Variants in CRB2 observed in about 807,000 individuals in gnomAD.
CRB2 encodes the protein crumbs cell polarity complex component 2, also known as protein crumbs homolog 2.
CRB2 carries 85 observed loss-of-function variants against 110.9 expected under a neutral mutation model. The ratio of observed to expected loss-of-function variants is 0.77; its 90% CI spans 0.64 to 0.92. The LOEUF is 0.92. Among genes scored for constraint, CRB2 ranks in the 40% least tolerant of loss-of-function variants. The probability of loss-of-function intolerance (pLI) is 0.00; values close to 1 mark genes in which losing one functional copy is unlikely to be tolerated. For missense variants in CRB2, 1,843 were observed against 1,851.3 expected, an observed-to-expected ratio of 1.00 and a Z score of 0.08; for synonymous variants, 907 against 831.0, an observed-to-expected ratio of 1.09 and a Z score of -1.57.
Position 123,365,988 on chromosome 9 carries a change from G to A in CRB2, c.490G>A (p.Gly164Ser), listed in dbSNP as rs764438313. 5.6e-6 allele frequency: 9 copies of A among 1,597,020 alleles called. No individual in the cohort carries two copies. The highest frequency in any genetic ancestry group is 5.9e-6 in the Non-Finnish European group (7 of 1,178,952). The change falls in exon 3 of 13, where the codon GGC becomes AGC. Residue 164 changes from glycine to serine, a missense_variant. Coordinates refer to ENST00000373631, the MANE Select transcript of CRB2 (RefSeq NM_173689.7). ...CCTGCACGGGGGCTCGTGCCTGGAC[G>A]GCGTGGGCTCCTTCCGCTGTGTGTG... ...PCLHGGSCLD[G>S]VGSFRCVCAP...
chr9:123,356,551 C>T lies in CRB2; in HGVS notation c.94+197C>T, dbSNP rs534199440. ...ACGGAGGTGAGTGTGTTCTGAGGCT[C>T]GGGGCTGTTTCATGTTGAGGGGGGT... is the stretch of plus-strand genomic sequence containing the variant. On this transcript the variant is annotated intron_variant, in intron 1 of 12. Coordinates refer to ENST00000373631, the MANE Select transcript of CRB2 (RefSeq NM_173689.7). 5.7e-5 allele frequency among the ~76,000 whole-genome samples: 5 copies of T among 87,258 alleles called. No individual in the cohort carries two copies. In the South Asian group the frequency reaches 1.7e-3, roughly 30 times the overall value. The allele number at this position is 87,258 out of a possible 152,430, so 57.2% of individuals were successfully genotyped here.
intron 6 of CRB2, among the ~76,000 whole-genome samples, chr9:123,369,413 C>T (rs2041981860): frequency 6.6e-6 from 1 of 152,134 alleles, no homozygotes; most frequent in Non-Finnish European, 1.5e-5. Context: ...GGGAGCTGTG[C>T]CTGGGACTGC....
intron 5 of CRB2, 21 bp downstream of exon 5, chr9:123,367,378 C>T (rs371252649): frequency 2.6e-5 from 41 of 1,591,556 alleles, no homozygotes; most frequent in African/African-American, 5.4e-5. Context: ...GCTGGGGAAG[C>T]GGTCAGCCCA....
Position 123,371,139 on chromosome 9 carries a change from C to T in CRB2, c.1997C>T (p.Pro666Leu). Residue 666 changes from proline to leucine, a missense_variant, in exon 8 of 13, where the codon CCA becomes CTA. By Grantham distance (98) the Pro-to-Leu change is moderately conservative. Coordinates refer to ENST00000373631, the MANE Select transcript of CRB2 (RefSeq NM_173689.7). Reference protein sequence around the residue: ...SSASFLLQELPGPNLTVSFLL... With the variant: ...SSASFLLQELLGPNLTVSFLL... ...GCCTCCTTTCTGCTCCAAGAGCTGC[C>T]AGGTCCCAACCTCACAGTGTCTTTC... 6.2e-7 allele frequency: 1 copy of T among 1,613,620 alleles called. No individual in the cohort carries two copies. The highest frequency in any genetic ancestry group is 8.5e-7 in the Non-Finnish European group (1 of 1,180,032).
In CRB2 at chr9:123,373,186, C is replaced by T; in HGVS notation, c.2655C>T (p.His885=). The T allele has an allele frequency of 6.6e-7, 1 of 1,515,234 alleles. No homozygotes were observed. The highest frequency in any genetic ancestry group is 1.8e-4 in the Middle Eastern group (1 of 5,560). The allele number at this position is 1,515,234 out of a possible 1,614,324, so 93.9% of individuals were successfully genotyped here. ...GTCCCCCCGCCGCGTTCAGCGGGCA[C>T]AACGCGTCGTCAGGGCGCTTGCTCG... ...REGPPAAFSG[H]NASSGRLLGG... The change falls in exon 10 of 13, where the codon CAC becomes CAT. Residue 885 remains histidine (H), a synonymous_variant. Transcript: ENST00000373631.
chr9:123,374,209 A>T, intron 10 of CRB2: 1 of 600,990 alleles, frequency 1.7e-6, no homozygotes, highest in Non-Finnish European at 3.0e-6. Context: ...GGGTGGAGGG[A>T]GGGGGTCAGG....
intron 2 of CRB2, among the ~76,000 whole-genome samples, chr9:123,365,506 A>C (rs1318501321): frequency 2.0e-5 from 3 of 152,112 alleles, no homozygotes; most frequent in Non-Finnish European, 2.9e-5. Context: ...TCTCTTTGGA[A>C]TCCAACTGCT....
In CRB2 at chr9:123,377,030, C is replaced by T. The variant is rs529201914; in HGVS notation, c.3826C>T (p.Leu1276Phe). 1.4e-4 allele frequency: 227 copies of T among 1,600,276 alleles called. 3 individuals are homozygous for T. In the South Asian group the frequency reaches 2.4e-3, roughly 17 times the overall value. Reference sequence around the variant, plus strand: ...GGCCCGGCTGGAGATGGACAGTGTCCTCAAGGTGCCACCGGAGGAGAGACT... The same window carrying T: ...GGCCCGGCTGGAGATGGACAGTGTCTTCAAGGTGCCACCGGAGGAGAGACT... The part of the protein sequence containing the change: ...AGARLEMDSV[L>F]KVPPEERLI The change falls in exon 13 of 13, where the codon CTC (leucine) becomes TTC (phenylalanine). Residue 1276 changes from leucine (L) to phenylalanine (F), a missense_variant. Transcript: ENST00000373631.
At chr9:123,357,629 G>A (rs547493932) in intron 1 of CRB2, among the ~76,000 whole-genome samples, 20 of 152,132 alleles carry the variant, frequency 1.3e-4, no homozygotes, top group South Asian at 2.1e-4. Flanking sequence ...GCATGGTGGC[G>A]GGGGGCGGGG....
intron 2 of CRB2, among the ~76,000 whole-genome samples, chr9:123,365,550 C>T (rs531649449): frequency 1.5e-3 from 233 of 152,336 alleles, no homozygotes; most frequent in Admixed American, 5.0e-3. Context: ...CTTCAAAAGC[C>T]TCTTCTTCTA....
Position 123,367,138 on chromosome 9 carries a change from G to A in CRB2, c.755-34G>A, listed in dbSNP as rs558249659. The A allele has an allele frequency of 2.1e-4, 319 of 1,533,202 alleles. 2 individuals are homozygous for A. In the South Asian group the frequency reaches 3.7e-3, roughly 18 times the overall value. 95.0% of individuals were successfully genotyped at this position (1,533,202 alleles called of 1,614,324 possible). ...TGAAGAGGTGCTGCCCGGCAACCCCGTGAGACCTGATGTCCGCGTGTGTGT... is the reference window on the plus strand; with the variant it reads ...TGAAGAGGTGCTGCCCGGCAACCCCATGAGACCTGATGTCCGCGTGTGTGT... On this transcript the variant is annotated intron_variant, in intron 4 of 12. Coordinates refer to ENST00000373631, the MANE Select transcript of CRB2 (RefSeq NM_173689.7).
intron 1 of CRB2, 66 bp downstream of exon 1, chr9:123,356,420 G>A: frequency 1.5e-6 from 2 of 1,306,842 alleles, no homozygotes; most frequent in East Asian, 2.6e-5. Context: ...GATACCCCAA[G>A]CCTTGGCTGC....
At chr9:123,371,658 G>A (rs1009885004) in intron 8 of CRB2, 80 bp downstream of exon 8, 1 of 1,578,796 alleles carries the variant, frequency 6.3e-7, no homozygotes, top group South Asian at 1.1e-5. Context: ...GGGGCTTAGT[G>A]TGTCCTTTTG....
At position 123,372,107 on chromosome 9, in the gene CRB2, T is replaced by C; in HGVS notation, c.2437-70T>C. 5 of 1,504,574 alleles carry C rather than the reference T, an allele frequency of 3.3e-6. No individual in the cohort carries two copies. The South Asian group carries it at 5.7e-5, about 17-fold the overall frequency. 93.2% of individuals were successfully genotyped at this position (1,504,574 alleles called of 1,614,324 possible). A position where few individuals can be genotyped will look rare whatever the true frequency, so the allele number is the denominator to read the frequency against. ...TAGTAGGTGCTCAGCGAAGAAGCAC[T>C]GCAATGCCAGTTATGGTGGGTGATG... On this transcript the variant is annotated intron_variant, in intron 8 of 12. Coordinates refer to ENST00000373631, the MANE Select transcript of CRB2 (RefSeq NM_173689.7).
At chr9:123,357,297 G>A (rs967648572) in intron 1 of CRB2, among the ~76,000 whole-genome samples, 10 of 152,052 alleles carry the variant, frequency 6.6e-5, no homozygotes, top group African/African-American at 1.2e-4. Context: ...TACAGGGGCC[G>A]GGCCTGGGAA....
downstream of CRB2, chr9:123,378,762 C>G (rs929486312): frequency 1.3e-5 from 2 of 149,080 alleles, no homozygotes; most frequent in Non-Finnish European, 3.0e-5. Flanking sequence ...TGGCTGTCCC[C>G]TGTCCTCTTC....
rs759456289 is a variant in CRB2 at position 123,377,367 on chromosome 9, A to AGT, written c.*315_*316dup. The AGT allele has an allele frequency of 8.8e-5, 30 of 340,102 alleles. No homozygotes were observed. Among genetic ancestry groups the AGT allele is most frequent in the South Asian group, 1.4e-4 (2 of 14,018 alleles). 21.1% of individuals were successfully genotyped at this position (340,102 alleles called of 1,614,324 possible). A position where few individuals can be genotyped will look rare whatever the true frequency, so the allele number is the denominator to read the frequency against. On this transcript the variant is annotated 3_prime_UTR_variant, in exon 13 of 13. Transcript: ENST00000373631. ...GTTCAGGAGTGTGTGTATCTGGAGG[A>AGT]GTGTGTGTGTGAGTGTGTACCTGGG...
At chr9:123,354,919 C>T (rs929324646), upstream of CRB2, among the ~76,000 whole-genome samples, 1 of 152,174 alleles carries the variant, frequency 6.6e-6, no homozygotes, top group African/African-American at 2.4e-5. Flanking sequence ...GGGACCCTTG[C>T]CCATCCCTCT....
rs2042087222 is a variant in CRB2, at chr9:123,375,358, G to C, written c.3633+15G>C. On this transcript the variant is annotated intron_variant, in intron 12 of 12. Coordinates refer to ENST00000373631, the MANE Select transcript of CRB2 (RefSeq NM_173689.7). ...GTGAAGTGGCGGTGAGTGTTGTCAG[G>C]GGTGAGGGGCCGTGGACGTGGCCTG... The C allele has an allele frequency of 6.4e-7, 1 of 1,571,914 alleles. No homozygotes were observed. Among genetic ancestry groups the C allele is most frequent in the African/African-American group, 1.3e-5 (1 of 74,222 alleles).
Sources: gnomAD v4.1 joint callset for allele counts (sites outside exome capture counted in the v4.1 genomes callset) on GRCh38, gnomAD v4.1.1 for gene constraint, MANE v1.5 for transcripts, NCBI Gene and HGNC (gene_info 2026-07-23, HGNC 2026-07-21) for gene names.